The following PPP2R5A variants were observed in gnomAD, a reference collection of about 807,000 sequenced individuals.
PPP2R5A encodes the protein serine/threonine-protein phosphatase 2A 56 kDa regulatory subunit alpha isoform.
Under a neutral mutation model 64.2 loss-of-function variants are expected in PPP2R5A, and 25 were observed. The ratio of observed to expected loss-of-function variants is 0.39; its 90% CI spans 0.28 to 0.54. The LOEUF (loss-of-function observed/expected upper bound fraction) is 0.54. Ranked by LOEUF, PPP2R5A falls within the 20% of genes least tolerant of loss-of-function variation. The pLI, the probability that PPP2R5A is intolerant of heterozygous loss-of-function variation, is 0.67. For missense variants in PPP2R5A, 425 were observed against 576.3 expected (o/e 0.74, Z 2.69); for synonymous variants, 198 against 201.2 (o/e 0.98, Z 0.13).
intron 1 of PPP2R5A, among the ~76,000 whole-genome samples, chr1:212,288,209 T>C (rs1658540637): frequency 6.6e-6 from 1 of 152,066 alleles, no homozygotes; most frequent in African/African-American, 2.4e-5. Flanking sequence ...AGAGATGGGG[T>C]TTCACCATGT....
intron 12 of PPP2R5A, among the ~76,000 whole-genome samples, chr1:212,359,813 T>C (rs1187838651): frequency 1.3e-5 from 2 of 152,192 alleles, no homozygotes; most frequent in East Asian, 1.9e-4. Context: ...ATTAAGTACA[T>C]GTTTTGAGCC....
intron 3 of PPP2R5A, 100 bp from the exon 4 acceptor site, chr1:212,342,088 A>G (rs1659695188): frequency 2.1e-6 from 3 of 1,445,808 alleles, no homozygotes; most frequent in East Asian, 2.4e-5. Flanking sequence ...AAATCTCCCC[A>G]CTAAGTTGGT....
intron 1 of PPP2R5A, among the ~76,000 whole-genome samples, chr1:212,292,892 A>G (rs1019691206): frequency 1.3e-5 from 2 of 152,170 alleles, no homozygotes; most frequent in African/African-American, 4.8e-5. Flanking sequence ...ATTTATGCCT[A>G]AAACTGGTTC....
At position 212,285,762 on chromosome 1, in the gene PPP2R5A, A is replaced by C. The variant is rs960068779; in HGVS notation, c.-349A>C. 5.0e-6 allele frequency: 1 copy of C among 198,570 alleles called. No individual in the cohort carries two copies. Among genetic ancestry groups the C allele is most frequent in the Non-Finnish European group, 1.0e-5 (1 of 98,812 alleles). The allele number at this position is 198,570 out of a possible 1,614,324, so 12.3% of individuals were successfully genotyped here. On this transcript the variant is annotated 5_prime_UTR_variant, in exon 1 of 13. Transcript: ENST00000261461. ...GACGAGAGGCGCGCTCGGCACCCGC[A>C]CCCCCGTGCCCCCGCCTCAGTTGTC... is the stretch of plus-strand genomic sequence containing the variant.
intron 4 of PPP2R5A, among the ~76,000 whole-genome samples, chr1:212,344,944 G>A (rs943295150): frequency 1.3e-5 from 2 of 151,958 alleles, no homozygotes; most frequent in Non-Finnish European, 2.9e-5. Flanking sequence ...AGGGTGGATC[G>A]CTTGAACTCA....
At chr1:212,329,057 C>A in intron 1 of PPP2R5A, 78 bp from the exon 2 acceptor site, 1 of 1,084,830 alleles carries the variant, frequency 9.2e-7, no homozygotes, top group Non-Finnish European at 1.2e-6. Context: ...ATGTGAATAG[C>A]TTCTACAAAA....
In PPP2R5A at chr1:212,322,826, C is replaced by A. The variant is rs550180818; in HGVS notation, c.182-6309C>A. On this transcript the variant is annotated intron_variant, in intron 1 of 12. Coordinates refer to ENST00000261461, the MANE Select transcript of PPP2R5A (RefSeq NM_006243.4). ...TTTGAGATGGAGTCTCGCTCTGTCG[C>A]CCAGGCTGGAGTGCAGTAGTGGGAT... is the stretch of plus-strand genomic sequence containing the variant. Among the ~76,000 whole-genome samples, 27 of 151,946 alleles carry A rather than the reference C, an allele frequency of 1.8e-4. No individual in the cohort carries two copies. In the East Asian group the frequency reaches 5.0e-3, roughly 28 times the overall value.
At chr1:212,342,845 CTTCT>C (rs1465334177) in intron 4 of PPP2R5A, among the ~76,000 whole-genome samples, 1 of 145,992 alleles carries the variant, frequency 6.8e-6, no homozygotes, top group Non-Finnish European at 1.5e-5. Flanking sequence ...ATTGTGATGC[CTTCT>C]TTTTTTTTTA....
intron 1 of PPP2R5A, chr1:212,309,053 TG>T: frequency 1.3e-6 from 1 of 770,620 alleles, no homozygotes; most frequent in Non-Finnish European, 2.4e-6. Context: ...TCAGTTTAGA[TG>T]ATCTCGATTT....
At chr1:212,310,456 T>C (rs1032539659) in intron 1 of PPP2R5A, among the ~76,000 whole-genome samples, 1 of 152,142 alleles carries the variant, frequency 6.6e-6, no homozygotes, top group Non-Finnish European at 1.5e-5. Context: ...AAGAAGTCAG[T>C]TGTTTTGGGA....
At chr1:212,321,330 A>C (rs1436905173) in intron 1 of PPP2R5A, among the ~76,000 whole-genome samples, 2 of 118,368 alleles carry the variant, frequency 1.7e-5, no homozygotes. Flanking sequence ...TGACCCCCCC[A>C]CCTCCCTTCC....
intron 1 of PPP2R5A, among the ~76,000 whole-genome samples, chr1:212,320,607 G>A (rs1474752411): frequency 6.8e-6 from 1 of 148,144 alleles, no homozygotes; most frequent in Non-Finnish European, 1.5e-5. Flanking sequence ...GGACGGGGCA[G>A]CTGGCCGGGC....
intron 1 of PPP2R5A, among the ~76,000 whole-genome samples, chr1:212,325,616 A>T (rs950071445): frequency 3.9e-5 from 6 of 152,158 alleles, no homozygotes; most frequent in Non-Finnish European, 1.5e-5. Flanking sequence ...AAGATATGGC[A>T]ACTGTTTCAC....
chr1:212,337,381 T>G, intron 3 of PPP2R5A, among the ~76,000 whole-genome samples: 1 of 152,166 alleles, frequency 6.6e-6, no homozygotes, highest in Non-Finnish European at 1.5e-5. Flanking sequence ...GATTTAATTA[T>G]GTAGGATAGT....
intron 12 of PPP2R5A, 26 bp downstream of exon 12, chr1:212,358,813 TTATC>T: frequency 6.4e-7 from 1 of 1,553,736 alleles, no homozygotes; most frequent in Non-Finnish European, 8.9e-7. Flanking sequence ...AATTACAAAA[TTATC>T]TATACATTTT....
chr1:212,355,739 A>C (rs1195423899), intron 8 of PPP2R5A, among the ~76,000 whole-genome samples: 3 of 152,116 alleles, frequency 2.0e-5, no homozygotes, highest in African/African-American at 7.2e-5. Flanking sequence ...AATAAGTTAC[A>C]ATTAGGCATA....
At chr1:212,335,219 C>T in intron 3 of PPP2R5A, among the ~76,000 whole-genome samples, 1 of 152,022 alleles carries the variant, frequency 6.6e-6, no homozygotes, top group Non-Finnish European at 1.5e-5. Context: ...GTGGCTCACA[C>T]CTGTAATCCC....
intron 1 of PPP2R5A, among the ~76,000 whole-genome samples, chr1:212,324,616 T>G (rs968358180): frequency 6.6e-6 from 1 of 152,040 alleles, no homozygotes; most frequent in African/African-American, 2.4e-5. Flanking sequence ...TTTTTTTTTT[T>G]TTTGAGACAG....
intron 1 of PPP2R5A, among the ~76,000 whole-genome samples, chr1:212,298,959 A>G (rs867755819): frequency 3.4e-4 from 3 of 8,878 alleles, no homozygotes; most frequent in Admixed American, 7.9e-4. Flanking sequence ...GGACGGGGCG[A>G]CTGGCCGGGC....
Sources: allele counts gnomAD v4.1 joint callset (sites outside exome capture counted in the v4.1 genomes callset), GRCh38; gene constraint gnomAD v4.1.1; transcripts MANE v1.5; gene names NCBI Gene and HGNC (gene_info 2026-07-23, HGNC 2026-07-21).